The following RBM39 variants were observed in gnomAD, a reference collection of about 807,000 sequenced individuals.
The protein encoded by RBM39 is RNA-binding protein 39.
A neutral mutation model predicts 79.6 loss-of-function variants in RBM39; 12 were observed. That is an observed-to-expected ratio of 0.15 (90% CI 0.10 to 0.24). RBM39 has a LOEUF of 0.24. Among genes scored for constraint, RBM39 ranks in the 10% least tolerant of loss-of-function variants. The probability of loss-of-function intolerance (pLI) is 1.00; values close to 1 mark genes in which losing one functional copy is unlikely to be tolerated. For missense variants in RBM39, 243 were observed against 653.4 expected (o/e 0.37, Z 6.85); for synonymous variants, 185 against 208.4 (o/e 0.89, Z 0.97).
chr20:35,724,461 C>T lies in RBM39; in HGVS notation c.687+109G>A, dbSNP rs1042386036. ...AAAAAAAAAAAAGTCCTGAAAACATCCGACTCAACGTAATGAGCAGCAGTC... is the reference window on the plus strand; with the variant it reads ...AAAAAAAAAAAAGTCCTGAAAACATTCGACTCAACGTAATGAGCAGCAGTC... On this transcript the variant is annotated intron_variant, in intron 8 of 16. Coordinates refer to ENST00000253363, the MANE Select transcript of RBM39 (RefSeq NM_184234.3). 5.9e-6 allele frequency: 6 copies of T among 1,019,098 alleles called. No individual in the cohort carries two copies. The African/African-American group carries it at 1.0e-4, about 17-fold the overall frequency. 63.1% of individuals were successfully genotyped at this position (1,019,098 alleles called of 1,614,324 possible).
intron 10 of RBM39, among the ~76,000 whole-genome samples, chr20:35,716,361 A>C (rs1460685673): frequency 6.6e-6 from 1 of 152,224 alleles, no homozygotes; most frequent in Non-Finnish European, 1.5e-5. Flanking sequence ...GGCATAAGCC[A>C]CCGCGCCCGG....
chr20:35,705,939 T>C (rs562780659), intron 14 of RBM39, among the ~76,000 whole-genome samples: 1 of 152,320 alleles, frequency 6.6e-6, no homozygotes, highest in African/African-American at 2.4e-5. Flanking sequence ...CAGCAGCTCA[T>C]GCCTGTAATT....
chr20:35,722,939 A>G (rs564641346), intron 8 of RBM39, among the ~76,000 whole-genome samples: 2,756 of 91,156 alleles, frequency 0.03, 80 homozygotes, highest in African/African-American at 0.11. Context: ...GTCTCAAGAG[A>G]AAAAAAAAAA....
At position 35,729,471 on chromosome 20, in the gene RBM39, A is replaced by C. The variant is rs771505709; in HGVS notation, c.353T>G (p.Ile118Ser). The change falls in exon 5 of 17, where the codon ATC (isoleucine) becomes AGC (serine). Residue 118 changes from isoleucine to serine, a missense_variant. Transcript: ENST00000253363. ...IRGKIGLPHS[I>S]KLSRRRSRSK... ...AAGTATGTTTAAAAACCTTAATTTG[A>C]TGCTATGAGGCAACCCAATCTTTCC... 6.2e-7 allele frequency: 1 copy of C among 1,613,768 alleles called. No homozygotes were observed. Among genetic ancestry groups the C allele is most frequent in the Non-Finnish European group, 8.5e-7 (1 of 1,179,906 alleles).
intron 6 of RBM39, among the ~76,000 whole-genome samples, chr20:35,725,974 C>T (rs901834968): frequency 4.0e-5 from 6 of 151,608 alleles, no homozygotes; most frequent in African/African-American, 1.5e-4. Flanking sequence ...AACCCAAGCC[C>T]ATTTTCAGTA....
At chr20:35,719,579 A>G (rs561844470) in intron 9 of RBM39, among the ~76,000 whole-genome samples, 45 of 151,888 alleles carry the variant, frequency 3.0e-4, no homozygotes, top group African/African-American at 1.1e-3. Context: ...CAGGAGGCTG[A>G]GGCAGGAGAA....
chr20:35,719,949 A>C, intron 9 of RBM39: 1 of 260,624 alleles, frequency 3.8e-6, no homozygotes, highest in Non-Finnish European at 8.2e-6. Context: ...CACCCACCTA[A>C]TTTTTCTATT....
At chr20:35,712,435 CAAAAAAAAAAAA>C (rs765974114) in intron 12 of RBM39, among the ~76,000 whole-genome samples, 2 of 32,814 alleles carry the variant, frequency 6.1e-5, no homozygotes, top group Admixed American at 3.7e-4. Flanking sequence ...TACTGTTATC[CAAAAAAAAAAAA>C]AAAAAAAAAA....
Position 35,705,322 on chromosome 20 carries a change from T to C in RBM39, c.1316A>G (p.Glu439Gly). ...SNMFNPQTEEEVGWDTEIKDD... is the reference protein window; with the variant it reads ...SNMFNPQTEEGVGWDTEIKDD... ...CTTAATCTCGGTATCCCATCCAACT[T>C]CTTCTTCTCTGTAAGAAAGTATTAA... Residue 439 changes from glutamate to glycine, a missense_variant, in exon 15 of 17, where the codon GAA becomes GGA. By Grantham distance (98) the Glu-to-Gly change is moderately conservative. Coordinates refer to ENST00000253363, the MANE Select transcript of RBM39 (RefSeq NM_184234.3). 1 of 1,574,628 alleles carries C rather than the reference T, an allele frequency of 6.4e-7. No homozygotes were observed. The highest frequency in any genetic ancestry group is 1.2e-5 in the South Asian group (1 of 86,696).
At chr20:35,707,668 A>G (rs904472408) in intron 13 of RBM39, 4 of 202,004 alleles carry the variant, frequency 2.0e-5, no homozygotes, top group Admixed American at 1.1e-4. Flanking sequence ...GAATTAAGAC[A>G]TATAAAATCA....
intron 12 of RBM39, among the ~76,000 whole-genome samples, chr20:35,709,723 G>GT (rs1255504380): frequency 6.6e-6 from 1 of 152,128 alleles, no homozygotes; most frequent in Non-Finnish European, 1.5e-5. Context: ...TCAAAAAGCT[G>GT]TAACAGTTTC....
At position 35,703,097 on chromosome 20, in the gene RBM39, TAG is replaced by T. The variant is rs1016280631; in HGVS notation, c.*1382_*1383del. ...AGGAACTCAGTATTTGAAGATAAGC[TAG>T]GAGCAGCATTTCCTACTCAAAAGAT... On this transcript the variant is annotated 3_prime_UTR_variant, in exon 17 of 17. Transcript: ENST00000253363. The T allele has an allele frequency of 6.6e-6, 1 of 151,922 alleles. No homozygotes were observed. Among genetic ancestry groups the T allele is most frequent in the African/African-American group, 2.4e-5 (1 of 41,332 alleles). The allele number at this position is 151,922 out of a possible 1,614,324, so 9.4% of individuals were successfully genotyped here. A position where few individuals can be genotyped will look rare whatever the true frequency, so the allele number is the denominator to read the frequency against.
intron 15 of RBM39, 85 bp from the exon 16 acceptor site, chr20:35,704,831 A>C: frequency 8.6e-7 from 1 of 1,163,676 alleles, no homozygotes; most frequent in Non-Finnish European, 1.3e-6. Flanking sequence ...GCCTGTAGAA[A>C]CTTAGTGCTC....
chr20:35,709,482 C>A (rs1568991618), intron 12 of RBM39, among the ~76,000 whole-genome samples: 1 of 152,152 alleles, frequency 6.6e-6, no homozygotes. Context: ...TTCCCTCTCT[C>A]TTCCTAGACT....
chr20:35,720,683 A>C (rs1401251545), intron 9 of RBM39, among the ~76,000 whole-genome samples: 1 of 152,120 alleles, frequency 6.6e-6, no homozygotes, highest in Non-Finnish European at 1.5e-5. Context: ...AAGCAAGAGA[A>C]TCGCTTGAAC....
At position 35,712,433 on chromosome 20, in the gene RBM39, T is replaced by TC. The variant is rs1216838098; in HGVS notation, c.1174+585dup. Among the ~76,000 whole-genome samples the TC allele has an allele frequency of 1.0e-3, 36 of 35,422 alleles. No individual in the cohort carries two copies. The East Asian group carries it at 0.019, about 19-fold the overall frequency. 23.2% of individuals were successfully genotyped at this position (35,422 alleles called of 152,430 possible). ...GGGCAACAGAGCAAGTCTACTGTTA[T>TC]CCAAAAAAAAAAAAAAAAAAAAAAA... On this transcript the variant is annotated intron_variant, in intron 12 of 16. Coordinates refer to ENST00000253363, the MANE Select transcript of RBM39 (RefSeq NM_184234.3).
chr20:35,724,865 T>A, intron 7 of RBM39, 143 bp from the exon 8 acceptor site: 1 of 1,169,312 alleles, frequency 8.6e-7, no homozygotes, highest in Non-Finnish European at 1.2e-6. Flanking sequence ...ATATCCTATC[T>A]TTATCTTTGA....
intron 8 of RBM39, 63 bp downstream of exon 8, chr20:35,724,507 A>G (rs565938147): frequency 6.5e-7 from 1 of 1,544,112 alleles, no homozygotes; most frequent in Non-Finnish European, 8.9e-7. Context: ...ACAGCACTAT[A>G]CCATGCAACA....
At chr20:35,727,694 G>A (rs2038903952) in intron 6 of RBM39, among the ~76,000 whole-genome samples, 1 of 146,920 alleles carries the variant, frequency 6.8e-6, no homozygotes, top group Non-Finnish European at 1.5e-5. Context: ...TTGTTGCCCA[G>A]GCTGGAGTGC....
Sources: allele counts gnomAD v4.1 joint callset (sites outside exome capture counted in the v4.1 genomes callset), GRCh38; gene constraint gnomAD v4.1.1; transcripts MANE v1.5; gene names NCBI Gene and HGNC (gene_info 2026-07-23, HGNC 2026-07-21).